NTRK3: variants seen among roughly 807,000 people sequenced by gnomAD.
NTRK3 encodes the protein neurotrophic receptor tyrosine kinase 3.
Under a neutral mutation model 91.7 loss-of-function variants are expected in NTRK3, and 24 were observed. The ratio of observed to expected loss-of-function variants is 0.26; its 90% CI spans 0.19 to 0.37. The LOEUF (loss-of-function observed/expected upper bound fraction) is 0.37, where lower values mean the gene tolerates loss of function less well. Among genes scored for constraint, NTRK3 ranks in the 10% least tolerant of loss-of-function variants. The pLI is 1.00. For synonymous variants in NTRK3, 483 were observed against 404.0 expected, an observed-to-expected ratio of 1.20 and a Z score of -2.34; for missense variants, 880 against 1,068.9, an observed-to-expected ratio of 0.82 and a Z score of 2.46.
chr15:87,955,538 T>C (rs2071567358), intron 14 of NTRK3, among the ~76,000 whole-genome samples: 2 of 152,206 alleles, frequency 1.3e-5, no homozygotes, highest in Admixed American at 6.5e-5. Flanking sequence ...GCCGTTCACA[T>C]TGGCATAGAG....
chr15:87,939,364 A>T (rs180788137), intron 15 of NTRK3, among the ~76,000 whole-genome samples: 1 of 152,216 alleles, frequency 6.6e-6, no homozygotes, highest in African/African-American at 2.4e-5. Context: ...TATTATTGCT[A>T]TTATACAGAT....
At chr15:88,116,273 C>T (rs556114006) in intron 13 of NTRK3, among the ~76,000 whole-genome samples, 6 of 152,256 alleles carry the variant, frequency 3.9e-5, no homozygotes, top group East Asian at 1.9e-4. Context: ...GAGGATAGAA[C>T]TGAAATGCCT....
chr15:87,959,102 C>G (rs1341576352), intron 14 of NTRK3, among the ~76,000 whole-genome samples: 1 of 151,882 alleles, frequency 6.6e-6, no homozygotes, highest in Non-Finnish European at 1.5e-5. Flanking sequence ...CACTACCTGT[C>G]TGTGAACGCT....
In NTRK3 at chr15:88,255,677, G is replaced by A. The variant is rs1182477733; in HGVS notation, c.248+229C>T. Reference sequence around the variant, plus strand: ...CCCTCGGCGGCCGGGGTCCTCTCCGGGGAGAGGCACACACACGCATAGCCG... The same window carrying A: ...CCCTCGGCGGCCGGGGTCCTCTCCGAGGAGAGGCACACACACGCATAGCCG... On this transcript the variant is annotated intron_variant, in intron 3 of 18. Coordinates refer to ENST00000394480, the Ensembl canonical transcript of NTRK3. This position sits in a 1 kb window ranked among gnomAD's most constrained non-coding sequence, Gnocchi z 4.3. Among the ~76,000 whole-genome samples the A allele has an allele frequency of 6.6e-6, 1 of 152,146 alleles. No homozygotes were observed. Among genetic ancestry groups the A allele is most frequent in the Non-Finnish European group, 1.5e-5 (1 of 68,020 alleles).
chr15:88,226,215 CA>C (rs1343099545), intron 3 of NTRK3, among the ~76,000 whole-genome samples: 2 of 152,192 alleles, frequency 1.3e-5, no homozygotes, highest in Non-Finnish European at 2.9e-5. Flanking sequence ...CCCAGGGCAG[CA>C]CCTGCCGGTT....
At chr15:87,940,809 G>A (rs925790659) in intron 14 of NTRK3, 56 bp from the exon 15 acceptor site, 5 of 1,612,864 alleles carry the variant, frequency 3.1e-6, no homozygotes, top group Non-Finnish European at 4.2e-6. Context: ...TGGTGACACA[G>A]GGAGACAGAA....
At chr15:88,073,930 T>C (rs897152125) in intron 13 of NTRK3, among the ~76,000 whole-genome samples, 1 of 152,156 alleles carries the variant, frequency 6.6e-6, no homozygotes, top group South Asian at 2.1e-4. Flanking sequence ...TTGTTTCTGG[T>C]ATTATGTATT....
intron 13 of NTRK3, among the ~76,000 whole-genome samples, chr15:88,039,465 A>G (rs1455382425): frequency 6.6e-6 from 1 of 152,126 alleles, no homozygotes; most frequent in African/African-American, 2.4e-5. Flanking sequence ...ATAACTGGAG[A>G]AACTCGATGG....
At chr15:88,109,540 C>A (rs749844374) in intron 13 of NTRK3, among the ~76,000 whole-genome samples, 3 of 152,212 alleles carry the variant, frequency 2.0e-5, no homozygotes, top group Non-Finnish European at 4.4e-5. Flanking sequence ...TCGTGGGAGC[C>A]CAATAAAGAG....
At chr15:87,946,652 A>G (rs1359749456) in intron 14 of NTRK3, among the ~76,000 whole-genome samples, 2 of 152,072 alleles carry the variant, frequency 1.3e-5, no homozygotes, top group African/African-American at 4.8e-5. Flanking sequence ...TCCCTGGCTC[A>G]TGTTGATACT....
chr15:88,221,304 T>C (rs2050213632), intron 3 of NTRK3, among the ~76,000 whole-genome samples: 2 of 152,188 alleles, frequency 1.3e-5, no homozygotes, highest in South Asian at 4.1e-4. Context: ...ATGGACAACT[T>C]GAATCCTAGC....
chr15:88,133,378 C>T (rs1156976287), intron 10 of NTRK3, among the ~76,000 whole-genome samples: 2 of 152,184 alleles, frequency 1.3e-5, no homozygotes, highest in Admixed American at 1.3e-4. Flanking sequence ...TACCCCACAC[C>T]TCTCAGGATA....
intron 10 of NTRK3, among the ~76,000 whole-genome samples, chr15:88,133,243 G>A (rs575769857): frequency 2.0e-4 from 31 of 152,142 alleles, no homozygotes; most frequent in Admixed American, 9.8e-4. Flanking sequence ...GCTGCATCTC[G>A]TGGGGGCAGA....
chr15:88,133,627 C>A (rs749844744), intron 10 of NTRK3, among the ~76,000 whole-genome samples: 3 of 152,216 alleles, frequency 2.0e-5, no homozygotes, highest in South Asian at 4.1e-4. Context: ...TCAACAAGAC[C>A]TAGCCTGCCC....
chr15:88,133,107 A>T (rs910267177), intron 10 of NTRK3, among the ~76,000 whole-genome samples: 1 of 152,166 alleles, frequency 6.6e-6, no homozygotes, highest in Non-Finnish European at 1.5e-5. Context: ...AAGTTTTAAC[A>T]CATTCTCAGG....
chr15:87,989,551 A>G (rs1004060962), intron 14 of NTRK3, among the ~76,000 whole-genome samples: 4 of 152,198 alleles, frequency 2.6e-5, no homozygotes, highest in Non-Finnish European at 5.9e-5. Context: ...TACCTAATGT[A>G]AATGACGAGT....
intron 13 of NTRK3, among the ~76,000 whole-genome samples, chr15:88,103,904 C>A (rs1326163876): frequency 1.3e-5 from 2 of 152,154 alleles, no homozygotes; most frequent in Non-Finnish European, 2.9e-5. Flanking sequence ...AACCAGGAAT[C>A]CATTCCATGG....
At chr15:88,155,892 T>C (rs779938702) in intron 5 of NTRK3, among the ~76,000 whole-genome samples, 1 of 152,174 alleles carries the variant, frequency 6.6e-6, no homozygotes, top group Non-Finnish European at 1.5e-5. Flanking sequence ...AGTCTTTAAA[T>C]CCATATGTGC....
chr15:88,149,340 A>G (rs1364084377), intron 5 of NTRK3, among the ~76,000 whole-genome samples: 2 of 152,168 alleles, frequency 1.3e-5, no homozygotes, highest in Non-Finnish European at 2.9e-5. Flanking sequence ...GAGAAGGGAA[A>G]GAAACATAGG....
Sources: allele counts gnomAD v4.1 joint callset (sites outside exome capture counted in the v4.1 genomes callset), GRCh38; gene constraint gnomAD v4.1.1; non-coding constraint Gnocchi (gnomAD v3.1); transcripts MANE v1.5; gene names NCBI Gene and HGNC (gene_info 2026-07-23, HGNC 2026-07-21).